ARHGAP42: variants seen among roughly 807,000 people sequenced by gnomAD.
ARHGAP42 encodes the protein Rho GTPase activating protein 42.
A neutral mutation model predicts 125.0 loss-of-function variants in ARHGAP42; 63 were observed. The ratio of observed to expected loss-of-function variants is 0.50; its 90% confidence interval spans 0.41 to 0.62. The LOEUF is 0.62. Ranked by LOEUF, ARHGAP42 falls within the 20% of genes least tolerant of loss-of-function variation. The probability of loss-of-function intolerance (pLI) is 0.00; values close to 1 mark genes in which losing one functional copy is unlikely to be tolerated. For synonymous variants in ARHGAP42, 339 were observed against 351.0 expected (o/e 0.97, Z 0.38); for missense variants, 766 against 1,024.2 (o/e 0.75, Z 3.44).
At chr11:100,698,587 G>C (rs550523409) in intron 1 of ARHGAP42, among the ~76,000 whole-genome samples, 1 of 152,126 alleles carries the variant, frequency 6.6e-6, no homozygotes, top group South Asian at 2.1e-4. Flanking sequence ...AGGCTGAGAC[G>C]GGAGAATCAC....
At chr11:100,765,979 A>G (rs979198377) in intron 1 of ARHGAP42, among the ~76,000 whole-genome samples, 1 of 152,228 alleles carries the variant, frequency 6.6e-6, no homozygotes, top group African/African-American at 2.4e-5. Context: ...TCTTAAGTCT[A>G]TGTGCAAGAA....
At chr11:100,875,105 CTCTGTGTGTG>C (rs1237317660) in intron 4 of ARHGAP42, among the ~76,000 whole-genome samples, 1,868 of 48,776 alleles carry the variant, frequency 0.038, 19 homozygotes, top group African/African-American at 0.065. Context: ...CTCTCTCTCT[CTCTGTGTGTG>C]TGTGTGTGTG....
intron 4 of ARHGAP42, among the ~76,000 whole-genome samples, chr11:100,906,544 A>T (rs1247650030): frequency 6.6e-6 from 1 of 151,540 alleles, no homozygotes; most frequent in African/African-American, 2.4e-5. Context: ...CATTCATTGT[A>T]CAGTGTACAT....
At position 100,921,505 on chromosome 11, in the gene ARHGAP42, A is replaced by C; in HGVS notation, c.498A>C (p.Gln166His). 6.5e-7 allele frequency: 1 copy of C among 1,545,844 alleles called. No individual in the cohort carries two copies. Among genetic ancestry groups the C allele is most frequent in the Non-Finnish European group, 8.7e-7 (1 of 1,144,094 alleles). ...GTTTTTCTCTTTAGGCAGATACACA[A>C]ATTGACCGAGAACATCAGAACTTCT... is the stretch of plus-strand genomic sequence containing the variant. ...KESHLQEADT[Q>H]IDREHQNFYE... Residue 166 changes from glutamine (Q) to histidine (H), a missense_variant, in exon 6 of 24, where the codon CAA (glutamine) becomes CAC (histidine). By Grantham distance (24) the Gln-to-His change is conservative. This residue lies in a region of ARHGAP42 where 455 missense variants were observed against 636.5 expected (regional missense o/e 0.71). Coordinates refer to ENST00000298815, the MANE Select transcript of ARHGAP42 (RefSeq NM_152432.4).
chr11:100,832,261 G>A (rs1864680597), intron 3 of ARHGAP42, among the ~76,000 whole-genome samples: 1 of 152,178 alleles, frequency 6.6e-6, no homozygotes, highest in South Asian at 2.1e-4. Flanking sequence ...GAACGAGGAT[G>A]GGCATAGTTT....
At chr11:100,762,452 A>C (rs149622674) in intron 1 of ARHGAP42, among the ~76,000 whole-genome samples, 1 of 152,178 alleles carries the variant, frequency 6.6e-6, no homozygotes, top group South Asian at 2.1e-4. Flanking sequence ...AAGGCCTTCA[A>C]GGAAAGAGAA....
At chr11:100,866,147 T>C (rs1400322351) in intron 4 of ARHGAP42, among the ~76,000 whole-genome samples, 1 of 152,202 alleles carries the variant, frequency 6.6e-6, no homozygotes, top group Non-Finnish European at 1.5e-5. Context: ...CTCAAGAAAC[T>C]AGTTTCTTTG....
intron 10 of ARHGAP42, among the ~76,000 whole-genome samples, chr11:100,946,137 A>G (rs138124383): frequency 6.6e-6 from 1 of 152,150 alleles, no homozygotes; most frequent in African/African-American, 2.4e-5. Flanking sequence ...AACATCATGA[A>G]CCAACTTCTG....
At chr11:100,872,335 T>A (rs1196463452) in intron 4 of ARHGAP42, among the ~76,000 whole-genome samples, 1 of 152,204 alleles carries the variant, frequency 6.6e-6, no homozygotes, top group East Asian at 1.9e-4. Context: ...GTAGACTTTT[T>A]GGTGAGACTT....
intron 1 of ARHGAP42, among the ~76,000 whole-genome samples, chr11:100,754,464 A>G (rs1862528157): frequency 6.6e-6 from 1 of 152,232 alleles, no homozygotes; most frequent in Non-Finnish European, 1.5e-5. Context: ...ACTCCTAATT[A>G]TCTTCTTTCT....
At chr11:100,838,613 A>T (rs1396014157) in intron 3 of ARHGAP42, among the ~76,000 whole-genome samples, 1 of 152,074 alleles carries the variant, frequency 6.6e-6, no homozygotes, top group Non-Finnish European at 1.5e-5. Context: ...GGATCACTTG[A>T]GCCCAGGAGG....
intron 3 of ARHGAP42, among the ~76,000 whole-genome samples, chr11:100,798,685 A>G (rs1385026096): frequency 1.3e-5 from 2 of 151,962 alleles, no homozygotes; most frequent in African/African-American, 4.9e-5. Context: ...GAACTTATGT[A>G]CTTTATATAT....
At chr11:100,774,478 A>G (rs981523282) in intron 2 of ARHGAP42, among the ~76,000 whole-genome samples, 6 of 152,234 alleles carry the variant, frequency 3.9e-5, no homozygotes, top group African/African-American at 1.2e-4. Context: ...CAGCTGGAGT[A>G]GGCTTGAGAC....
chr11:100,944,204 G>A (rs114249347), intron 10 of ARHGAP42, among the ~76,000 whole-genome samples: 187 of 152,138 alleles, frequency 1.2e-3, no homozygotes, highest in African/African-American at 4.4e-3. Flanking sequence ...CAGCCTTTTG[G>A]TGGGCTTTGG....
chr11:100,899,676 TTTG>T (rs373540836), intron 4 of ARHGAP42, among the ~76,000 whole-genome samples: 39,853 of 143,440 alleles, frequency 0.28, 6,718 homozygotes, highest in East Asian at 0.79. Context: ...CTGCTTTTTG[TTTG>T]TTTGTTTGTT....
intron 1 of ARHGAP42, among the ~76,000 whole-genome samples, chr11:100,759,080 G>A (rs911054600): frequency 6.6e-6 from 1 of 152,044 alleles, no homozygotes; most frequent in Non-Finnish European, 1.5e-5. Flanking sequence ...TTTTATAGTG[G>A]ATGTTTTATA....
intron 1 of ARHGAP42, among the ~76,000 whole-genome samples, chr11:100,696,027 C>T (rs1316261692): frequency 1.3e-5 from 2 of 152,066 alleles, no homozygotes; most frequent in African/African-American, 2.4e-5. Context: ...AGTTGGAGAC[C>T]AGCCTGGGCA....
intron 4 of ARHGAP42, among the ~76,000 whole-genome samples, chr11:100,901,950 A>G (rs1186093630): frequency 6.6e-6 from 1 of 152,206 alleles, no homozygotes; most frequent in African/African-American, 2.4e-5. Flanking sequence ...AATGAGATGA[A>G]CCAGGTACCT....
chr11:100,972,950 T>C (rs1033250865), intron 17 of ARHGAP42, among the ~76,000 whole-genome samples: 2 of 152,168 alleles, frequency 1.3e-5, no homozygotes, highest in African/African-American at 4.8e-5. Context: ...TTTTTTTCTT[T>C]AATAGATTTT....
Sources: allele counts gnomAD v4.1 joint callset (sites outside exome capture counted in the v4.1 genomes callset), GRCh38; gene constraint gnomAD v4.1.1; regional missense constraint gnomAD v4.1.1; transcripts MANE v1.5; gene names NCBI Gene and HGNC (gene_info 2026-07-23, HGNC 2026-07-21).